Variants in RABGAP1L observed in about 807,000 individuals in gnomAD.
RABGAP1L encodes the protein RAB GTPase activating protein 1 like, also known as rab GTPase-activating protein 1-like.
Under a neutral mutation model 137.7 loss-of-function variants are expected in RABGAP1L, and 63 were observed. That is an observed-to-expected ratio of 0.46 (90% CI 0.37 to 0.56). The LOEUF (loss-of-function observed/expected upper bound fraction) is 0.56, where lower values mean the gene tolerates loss of function less well. RABGAP1L is among the 20% of genes least tolerant of loss of function. The probability of loss-of-function intolerance (pLI) is 0.00; values close to 1 mark genes in which losing one functional copy is unlikely to be tolerated. For synonymous variants in RABGAP1L, 431 were observed against 433.7 expected (o/e 0.99, Z 0.08); for missense variants, 1,095 against 1,244.0 (o/e 0.88, Z 1.80).
intron 13 of RABGAP1L, among the ~76,000 whole-genome samples, chr1:174,473,764 G>T (rs1049442912): frequency 6.6e-6 from 1 of 152,176 alleles, no homozygotes; most frequent in Non-Finnish European, 1.5e-5. Flanking sequence ...TGCTGAGCAG[G>T]TTGAGCTGAA....
intron 19 of RABGAP1L, among the ~76,000 whole-genome samples, chr1:174,867,555 A>G (rs895181480): frequency 6.6e-6 from 1 of 152,252 alleles, no homozygotes; most frequent in African/African-American, 2.4e-5. Flanking sequence ...TCTTGCTTTC[A>G]TTTGTGACAA....
intron 13 of RABGAP1L, among the ~76,000 whole-genome samples, chr1:174,537,964 A>G (rs1476773192): frequency 6.6e-6 from 1 of 152,128 alleles, no homozygotes; most frequent in Non-Finnish European, 1.5e-5. Context: ...ATGCTGCCAG[A>G]TGAATCTCCT....
intron 17 of RABGAP1L, among the ~76,000 whole-genome samples, chr1:174,739,496 T>A (rs1683213863): frequency 6.6e-6 from 1 of 152,200 alleles, no homozygotes; most frequent in African/African-American, 2.4e-5. Context: ...TGCTCAGTTC[T>A]CAGTCTGGTT....
intron 19 of RABGAP1L, among the ~76,000 whole-genome samples, chr1:174,924,818 CTTAAGT>C (rs1011384366): frequency 2.6e-5 from 4 of 151,888 alleles, no homozygotes; most frequent in Admixed American, 6.6e-5. Flanking sequence ...CTTAGTAGAG[CTTAAGT>C]TTAAGTAGAG....
rs1165807947 is a variant in RABGAP1L, at chr1:174,772,337, G to T, written c.2211+19983G>T. 3.3e-5 allele frequency among the ~76,000 whole-genome samples: 5 copies of T among 151,890 alleles called. No homozygotes were observed. In the East Asian group the frequency reaches 7.7e-4, roughly 23 times the overall value. ...TCAGGCCTGTAATCCCAGCACTTTGGGAGGCCAAGGTGGGTGGATCACCTG... is the reference window on the plus strand; with the variant it reads ...TCAGGCCTGTAATCCCAGCACTTTGTGAGGCCAAGGTGGGTGGATCACCTG... On this transcript the variant is annotated intron_variant, in intron 18 of 25. Coordinates refer to ENST00000681986, the MANE Select transcript of RABGAP1L (RefSeq NM_001366446.1).
At chr1:174,264,504 A>G (rs1673882963) in intron 7 of RABGAP1L, among the ~76,000 whole-genome samples, 1 of 152,160 alleles carries the variant, frequency 6.6e-6, no homozygotes, top group Non-Finnish European at 1.5e-5. Context: ...AAACTTATAT[A>G]TTCAACAACT....
intron 19 of RABGAP1L, chr1:174,877,438 A>T: frequency 6.2e-7 from 1 of 1,603,114 alleles, no homozygotes; most frequent in South Asian, 1.1e-5. Context: ...TTTTCCTTGG[A>T]TAGTCTGGTC....
intron 14 of RABGAP1L, among the ~76,000 whole-genome samples, chr1:174,671,970 T>G (rs1677208527): frequency 6.6e-6 from 1 of 152,132 alleles, no homozygotes; most frequent in South Asian, 2.1e-4. Context: ...GATAGGAGAC[T>G]TTTTATTACT....
In RABGAP1L at chr1:174,978,847, A is replaced by G; in HGVS notation, c.2690A>G (p.Tyr897Cys). ...VFRKQLEKAE[Y>C]EIKKTTAIIA... ...AGGAAACAGCTAGAGAAGGCAGAATATGAAATAAAGAAGACTACAGCTATC... is the reference window on the plus strand; with the variant it reads ...AGGAAACAGCTAGAGAAGGCAGAATGTGAAATAAAGAAGACTACAGCTATC... The change falls in exon 23 of 26, where the codon TAT becomes TGT. Residue 897 changes from tyrosine to cysteine, a missense_variant. Coordinates refer to ENST00000681986, the MANE Select transcript of RABGAP1L (RefSeq NM_001366446.1). 1 of 1,546,164 alleles carries G rather than the reference A, an allele frequency of 6.5e-7. No homozygotes were observed. The highest frequency in any genetic ancestry group is 8.7e-7 in the Non-Finnish European group (1 of 1,145,508).
intron 19 of RABGAP1L, among the ~76,000 whole-genome samples, chr1:174,890,193 A>G (rs1462349479): frequency 6.6e-6 from 1 of 152,228 alleles, no homozygotes; most frequent in Admixed American, 6.5e-5. Flanking sequence ...ATAACAGTCC[A>G]GTTTGGGAGA....
At chr1:174,515,511 G>GTAT (rs1290999900) in intron 13 of RABGAP1L, among the ~76,000 whole-genome samples, 1 of 143,158 alleles carries the variant, frequency 7.0e-6, no homozygotes, top group Non-Finnish European at 1.6e-5. Flanking sequence ...GAGATCTTAA[G>GTAT]TATTATACTG....
chr1:174,693,095 A>G (rs372993853), intron 15 of RABGAP1L, among the ~76,000 whole-genome samples: 13 of 152,218 alleles, frequency 8.5e-5, no homozygotes, highest in African/African-American at 3.1e-4. Context: ...TTATACCTTT[A>G]TACAAAAGAA....
At chr1:174,486,223 CTT>C (rs201692363) in intron 13 of RABGAP1L, among the ~76,000 whole-genome samples, 5,068 of 119,810 alleles carry the variant, frequency 0.042, 295 homozygotes, top group African/African-American at 0.14. Flanking sequence ...GTTCTTTTTT[CTT>C]TTTTTTTTTT....
At position 174,370,966 on chromosome 1, in the gene RABGAP1L, G is replaced by C. The variant is rs138853001; in HGVS notation, c.1466-13G>C. The C allele has an allele frequency of 7.1e-7, 1 of 1,411,610 alleles. No individual in the cohort carries two copies. Among genetic ancestry groups the C allele is most frequent in the South Asian group, 1.7e-5 (1 of 57,228 alleles). 87.4% of individuals were successfully genotyped at this position (1,411,610 alleles called of 1,614,324 possible). ...TAAAATAATGTTTGTTGGTTTTTGCGTTTCTTCTGCAGAGAGTGATAATGA... is the reference window on the plus strand; with the variant it reads ...TAAAATAATGTTTGTTGGTTTTTGCCTTTCTTCTGCAGAGAGTGATAATGA... On this transcript the variant is annotated splice_polypyrimidine_tract_variant and intron_variant, in intron 11 of 25. Transcript: ENST00000681986.
chr1:174,495,117 G>C (rs953638874), intron 13 of RABGAP1L, among the ~76,000 whole-genome samples: 1 of 152,140 alleles, frequency 6.6e-6, no homozygotes, highest in East Asian at 1.9e-4. Flanking sequence ...CTTATAATGA[G>C]TGTTTGCCCT....
chr1:174,757,907 C>T (rs1684891464), intron 18 of RABGAP1L, among the ~76,000 whole-genome samples: 1 of 151,802 alleles, frequency 6.6e-6, no homozygotes, highest in African/African-American at 2.4e-5. Flanking sequence ...CCTGTAATCC[C>T]AGCTACTTGG....
Position 174,655,508 on chromosome 1 carries a change from G to A in RABGAP1L, c.1824+18020G>A, listed in dbSNP as rs569392927. ...CTTATTTCTTCCACTCAGGTAATAT[G>A]TATGCAGTTTCATTTTTTCCCATTA... On this transcript the variant is annotated intron_variant, in intron 14 of 25. Coordinates refer to ENST00000681986, the MANE Select transcript of RABGAP1L (RefSeq NM_001366446.1). 3.3e-5 allele frequency among the ~76,000 whole-genome samples: 5 copies of A among 152,246 alleles called. No homozygotes were observed. In the South Asian group the frequency reaches 8.3e-4, roughly 25 times the overall value.
intron 13 of RABGAP1L, among the ~76,000 whole-genome samples, chr1:174,622,180 T>C (rs574607845): frequency 0.041 from 6,259 of 152,158 alleles, 436 homozygotes; most frequent in African/African-American, 0.14. Flanking sequence ...GTTAGAATGG[T>C]GATCATTAAA....
At chr1:174,925,447 G>A (rs530459898) in intron 19 of RABGAP1L, among the ~76,000 whole-genome samples, 29 of 151,628 alleles carry the variant, frequency 1.9e-4, no homozygotes, top group East Asian at 5.8e-4. Flanking sequence ...CTGGTGTACC[G>A]GAGGAACCAC....
Sources: gnomAD v4.1 joint callset for allele counts (sites outside exome capture counted in the v4.1 genomes callset) on GRCh38, gnomAD v4.1.1 for gene constraint, MANE v1.5 for transcripts, NCBI Gene and HGNC (gene_info 2026-07-23, HGNC 2026-07-21) for gene names.